LARP4B: variants seen among roughly 807,000 people sequenced by gnomAD.
LARP4B encodes the protein La ribonucleoprotein 4B.
A neutral mutation model predicts 89.8 loss-of-function variants in LARP4B; 12 were observed. That is an observed-to-expected ratio of 0.13 (90% confidence interval 0.09 to 0.22). The LOEUF is 0.22. Ranked by LOEUF, LARP4B falls within the 10% of genes least tolerant of loss-of-function variation. The pLI is 1.00. For missense variants in LARP4B, 757 were observed against 947.7 expected, an observed-to-expected ratio of 0.80 and a Z score of 2.64; for synonymous variants, 367 against 363.3, an observed-to-expected ratio of 1.01 and a Z score of -0.12.
chr10:963,439 G>C, the LARP4B span, among the ~76,000 whole-genome samples: 27 of 152,308 alleles, frequency 1.8e-4, no homozygotes, highest in Non-Finnish European at 3.7e-4. Flanking sequence ...TGCCTCCAAC[G>C]TGCAGAATCT....
chr10:981,855 C>T, the LARP4B span, among the ~76,000 whole-genome samples: 203 of 152,138 alleles, frequency 1.3e-3, 1 homozygote, highest in African/African-American at 4.7e-3. Flanking sequence ...CATGAGCCAC[C>T]GCACCCAGCC....
upstream of LARP4B, among the ~76,000 whole-genome samples, chr10:935,237 A>T (rs1385839683): frequency 1.3e-5 from 2 of 152,190 alleles, no homozygotes; most frequent in Non-Finnish European, 2.9e-5. Context: ...CACAGTTCAT[A>T]GTGTGGACAG....
intron 6 of LARP4B, among the ~76,000 whole-genome samples, chr10:844,107 G>A (rs1833660088): frequency 6.6e-6 from 1 of 152,222 alleles, no homozygotes; most frequent in Non-Finnish European, 1.5e-5. Flanking sequence ...CATGACTGCC[G>A]ATCAAACGGA....
intron 7 of LARP4B, among the ~76,000 whole-genome samples, chr10:839,682 T>C (rs55697724): frequency 0.11 from 16,005 of 152,254 alleles, 1,143 homozygotes; most frequent in Non-Finnish European, 0.16. Flanking sequence ...GGAGCTCTCA[T>C]CCCTGCTGGT....
the LARP4B span, among the ~76,000 whole-genome samples, chr10:952,355 A>G: frequency 6.7e-6 from 1 of 149,466 alleles, no homozygotes; most frequent in African/African-American, 2.5e-5. Flanking sequence ...AAAAAAAAAA[A>G]AAAAAAAAGG....
intron 1 of LARP4B, among the ~76,000 whole-genome samples, chr10:930,483 A>C (rs906562826): frequency 6.6e-6 from 1 of 152,206 alleles, no homozygotes; most frequent in Non-Finnish European, 1.5e-5. Flanking sequence ...TAGGTTTCTC[A>C]AGTTTCATCT....
At chr10:872,654 T>C (rs1476772699) in intron 3 of LARP4B, among the ~76,000 whole-genome samples, 1 of 152,170 alleles carries the variant, frequency 6.6e-6, no homozygotes, top group African/African-American at 2.4e-5. Flanking sequence ...TGGGTAACAG[T>C]GCAGATGGCC....
At chr10:819,463 A>G (rs1372504990) in intron 14 of LARP4B, 1 of 152,256 alleles carries the variant, frequency 6.6e-6, no homozygotes, top group Non-Finnish European at 1.5e-5. Context: ...ACTTTTACAG[A>G]AAAAGCGTCT....
intron 3 of LARP4B, among the ~76,000 whole-genome samples, chr10:864,737 T>C (rs1834808573): frequency 6.6e-6 from 1 of 152,228 alleles, no homozygotes; most frequent in Non-Finnish European, 1.5e-5. Flanking sequence ...GCGGATCACC[T>C]GAGGCCAGGA....
At position 812,944 on chromosome 10, in the gene LARP4B, G is replaced by A. The variant is rs756813610; in HGVS notation, c.2199C>T (p.Pro733=). 7.3e-5 allele frequency: 113 copies of A among 1,549,000 alleles called. No homozygotes were observed. The highest frequency in any genetic ancestry group is 9.2e-5 in the Non-Finnish European group (106 of 1,156,638). ...ACGGTTTTCACTGAGGAGACTTGGG[G>A]GGAGTGCTCTGCTCTCGGCTGAGAC... ...GKRLSREQST[P]PKSPQ Residue 733 remains proline (P), a synonymous_variant, in exon 18 of 18, where the codon CCC becomes CCT. Transcript: ENST00000316157.
chr10:983,737 T>C, the LARP4B span, among the ~76,000 whole-genome samples: 1 of 152,142 alleles, frequency 6.6e-6, no homozygotes, highest in Non-Finnish European at 1.5e-5. Flanking sequence ...GACAGGGCTT[T>C]CACGTATGAA....
At chr10:964,287 G>A in the LARP4B span, among the ~76,000 whole-genome samples, 2 of 152,164 alleles carry the variant, frequency 1.3e-5, no homozygotes, top group African/African-American at 2.4e-5. Flanking sequence ...GGCTGGTCTC[G>A]AACTCCCGAC....
At chr10:904,345 G>C (rs1372632743) in intron 1 of LARP4B, among the ~76,000 whole-genome samples, 2 of 152,150 alleles carry the variant, frequency 1.3e-5, no homozygotes, top group Admixed American at 6.5e-5. Flanking sequence ...CTTGAGCTCA[G>C]GAGTTTGAGA....
At chr10:949,999 C>G in the LARP4B span, among the ~76,000 whole-genome samples, 37 of 152,234 alleles carry the variant, frequency 2.4e-4, no homozygotes, top group Non-Finnish European at 5.1e-4. Context: ...TGGTCTTGAC[C>G]TCCTGGGCTC....
At chr10:899,297 T>A (rs1181223645) in intron 1 of LARP4B, among the ~76,000 whole-genome samples, 1 of 152,178 alleles carries the variant, frequency 6.6e-6, no homozygotes, top group East Asian at 1.9e-4. Flanking sequence ...AACAGACATT[T>A]CCCATGAGAG....
At chr10:984,490 A>C in the LARP4B span, among the ~76,000 whole-genome samples, 1 of 152,188 alleles carries the variant, frequency 6.6e-6, no homozygotes. Flanking sequence ...CTCGTACTCA[A>C]CCCATAGAAA....
intron 9 of LARP4B, among the ~76,000 whole-genome samples, chr10:830,580 C>T (rs1588873996): frequency 1.3e-5 from 2 of 152,264 alleles, no homozygotes; most frequent in East Asian, 3.9e-4. Flanking sequence ...AAACACTTTG[C>T]AAATAGTAAA....
At chr10:962,829 C>T in the LARP4B span, among the ~76,000 whole-genome samples, 1 of 152,154 alleles carries the variant, frequency 6.6e-6, no homozygotes, top group African/African-American at 2.4e-5. Context: ...CAGACAACCA[C>T]AGGGTCTGAC....
intron 14 of LARP4B, chr10:819,556 G>C (rs563452433): frequency 4.6e-5 from 7 of 152,426 alleles, no homozygotes; most frequent in East Asian, 1.9e-4. Context: ...GCCACAAGCC[G>C]AAGCTTCAAA....
Sources: allele counts gnomAD v4.1 joint callset (sites outside exome capture counted in the v4.1 genomes callset), GRCh38; gene constraint gnomAD v4.1.1; transcripts MANE v1.5; gene names NCBI Gene and HGNC (gene_info 2026-07-23, HGNC 2026-07-21).